The following RIMS2 variants were observed in gnomAD, a reference collection of about 807,000 sequenced individuals.
The protein encoded by RIMS2 is regulating synaptic membrane exocytosis protein 2.
In RIMS2, 59 loss-of-function variants were observed where a neutral mutation model predicts 174.4. The observed-to-expected ratio is 0.34, with a 90% CI of 0.27 to 0.42. The LOEUF (loss-of-function observed/expected upper bound fraction) is 0.42. Among genes scored for constraint, RIMS2 ranks in the 10% least tolerant of loss-of-function variants. The probability of loss-of-function intolerance (pLI) is 1.00; values close to 1 mark genes in which losing one functional copy is unlikely to be tolerated. For synonymous variants in RIMS2, 606 were observed against 572.5 expected, an observed-to-expected ratio of 1.06 and a Z score of -0.84; for missense variants, 1,620 against 1,666.3, an observed-to-expected ratio of 0.97 and a Z score of 0.48.
intron 3 of RIMS2, among the ~76,000 whole-genome samples, chr8:103,768,017 C>T (rs2098198050): frequency 1.3e-5 from 2 of 152,128 alleles, no homozygotes; most frequent in Admixed American, 6.6e-5. Context: ...CAGAGTGTAA[C>T]AAACACTTAC....
chr8:103,642,545 C>A (rs2096251299), intron 1 of RIMS2, among the ~76,000 whole-genome samples: 1 of 151,880 alleles, frequency 6.6e-6, no homozygotes, highest in Non-Finnish European at 1.5e-5. Flanking sequence ...AATTTCTGAC[C>A]TATGTAATTT....
At chr8:103,875,951 G>A (rs2099134409) in intron 3 of RIMS2, among the ~76,000 whole-genome samples, 1 of 151,494 alleles carries the variant, frequency 6.6e-6, no homozygotes, top group South Asian at 2.1e-4. Flanking sequence ...ACTTTTAGTG[G>A]GATTATTTGG....
At chr8:104,170,093 A>G (rs112266116) in intron 19 of RIMS2, among the ~76,000 whole-genome samples, 10,411 of 152,124 alleles carry the variant, frequency 0.068, 479 homozygotes, top group East Asian at 0.15. Context: ...CATGTTGTCT[A>G]TCTTGGAGAA....
intron 1 of RIMS2, among the ~76,000 whole-genome samples, chr8:103,517,847 C>A (rs1829726516): frequency 6.6e-6 from 1 of 151,976 alleles, no homozygotes; most frequent in Non-Finnish European, 1.5e-5. Context: ...CTTTTGGCTT[C>A]CCTAGGCCAC....
At chr8:103,953,202 C>T (rs184074500) in intron 14 of RIMS2, among the ~76,000 whole-genome samples, 1 of 152,048 alleles carries the variant, frequency 6.6e-6, no homozygotes, top group African/African-American at 2.4e-5. Context: ...AGGAGAACTT[C>T]CCCAGCCTGG....
At chr8:104,026,832 T>G (rs1388607156) in intron 19 of RIMS2, among the ~76,000 whole-genome samples, 2 of 152,142 alleles carry the variant, frequency 1.3e-5, no homozygotes, top group Non-Finnish European at 2.9e-5. Context: ...CCTCTTTCTA[T>G]TCTCATGAAT....
At chr8:103,864,733 C>T (rs549086906) in intron 3 of RIMS2, among the ~76,000 whole-genome samples, 1 of 151,980 alleles carries the variant, frequency 6.6e-6, no homozygotes, top group South Asian at 2.1e-4. Flanking sequence ...TTTCTTATTC[C>T]CACTAATAGA....
At position 103,764,227 on chromosome 8, in the gene RIMS2, TTGTC is replaced by T. The variant is rs1260642936; in HGVS notation, c.388-1994_388-1991del. 3.3e-5 allele frequency among the ~76,000 whole-genome samples: 5 copies of T among 152,206 alleles called. No individual in the cohort carries two copies. In the East Asian group the frequency reaches 7.7e-4, roughly 23 times the overall value. ...TCTGCAGATGATAGTGATTGGATAA[TTGTC>T]TGTCTCACAAGCTCTCGTTTGTTGT... On this transcript the variant is annotated intron_variant, in intron 2 of 23. Coordinates refer to ENST00000504942, the Ensembl canonical transcript of RIMS2.
At chr8:103,932,248 C>T (rs2080124766) in intron 12 of RIMS2, among the ~76,000 whole-genome samples, 1 of 152,068 alleles carries the variant, frequency 6.6e-6, no homozygotes, top group African/African-American at 2.4e-5. Flanking sequence ...TGTTTATACG[C>T]TTTTGGAATC....
chr8:104,248,364 G>A (rs1003088234), intron 20 of RIMS2, among the ~76,000 whole-genome samples: 1 of 152,162 alleles, frequency 6.6e-6, no homozygotes, highest in South Asian at 2.1e-4. Flanking sequence ...GCAGCTAAGA[G>A]GATTAAATAT....
chr8:104,069,864 A>G (rs928014685), intron 19 of RIMS2, among the ~76,000 whole-genome samples: 1 of 152,170 alleles, frequency 6.6e-6, no homozygotes, highest in Non-Finnish European at 1.5e-5. Context: ...CTTTGTTCTG[A>G]TATAGCTATT....
At chr8:103,753,895 A>AT (rs1319334964) in intron 2 of RIMS2, among the ~76,000 whole-genome samples, 29 of 151,908 alleles carry the variant, frequency 1.9e-4, no homozygotes, top group East Asian at 1.4e-3. Context: ...GGATTCACTG[A>AT]TTTTTTCAAG....
At chr8:103,927,748 G>T in intron 10 of RIMS2, 1 of 774,046 alleles carries the variant, frequency 1.3e-6, no homozygotes, top group Admixed American at 2.1e-5. Flanking sequence ...AGGGATAGTT[G>T]TATGTGTTTG....
intron 1 of RIMS2, among the ~76,000 whole-genome samples, chr8:103,683,932 G>A (rs905448528): frequency 1.3e-5 from 2 of 152,064 alleles, no homozygotes; most frequent in African/African-American, 4.8e-5. Flanking sequence ...TGGTTTTAAA[G>A]CAATTTTCAT....
chr8:103,711,888 C>A (rs905704137), intron 2 of RIMS2, among the ~76,000 whole-genome samples: 2 of 133,162 alleles, frequency 1.5e-5, no homozygotes, highest in African/African-American at 6.0e-5. Context: ...AGAGCCGGAC[C>A]CCATCTGAAA....
intron 1 of RIMS2, among the ~76,000 whole-genome samples, chr8:103,622,784 C>CTTGTTT (rs1028276427): frequency 6.6e-6 from 1 of 152,320 alleles, no homozygotes; most frequent in African/African-American, 2.4e-5. Flanking sequence ...GTTGGCTAAA[C>CTTGTTT]AGCCAGGGAA....
chr8:103,889,557 A>G (rs933908265), intron 4 of RIMS2, among the ~76,000 whole-genome samples: 8 of 151,842 alleles, frequency 5.3e-5, no homozygotes, highest in Non-Finnish European at 1.2e-4. Flanking sequence ...CATAGCTTCT[A>G]CTACGTAGCA....
At chr8:104,112,067 C>T (rs961575717) in intron 19 of RIMS2, among the ~76,000 whole-genome samples, 4 of 152,104 alleles carry the variant, frequency 2.6e-5, no homozygotes, top group Non-Finnish European at 5.9e-5. Context: ...TTAAAGTTTC[C>T]TATTTCCACT....
chr8:103,797,875 C>T (rs944165795), intron 3 of RIMS2, among the ~76,000 whole-genome samples: 5 of 152,096 alleles, frequency 3.3e-5, no homozygotes, highest in African/African-American at 1.2e-4. Context: ...AGTCCTGGCT[C>T]ATATATGTTA....
Sources: gnomAD v4.1 joint callset for allele counts (sites outside exome capture counted in the v4.1 genomes callset) on GRCh38, gnomAD v4.1.1 for gene constraint, MANE v1.5 for transcripts, NCBI Gene and HGNC (gene_info 2026-07-23, HGNC 2026-07-21) for gene names.